The following NCKAP5 variants were observed in gnomAD, a reference collection of about 807,000 sequenced individuals.
The protein encoded by NCKAP5 is nck-associated protein 5.
A neutral mutation model predicts 167.0 loss-of-function variants in NCKAP5; 92 were observed. That is an observed-to-expected ratio of 0.55 (90% CI 0.47 to 0.66). The LOEUF (loss-of-function observed/expected upper bound fraction) is 0.66, where lower values mean the gene tolerates loss of function less well. NCKAP5 is among the 30% of genes least tolerant of loss of function. NCKAP5 has a pLI of 0.00. For missense variants in NCKAP5, 2,378 were observed against 2,315.0 expected, an observed-to-expected ratio of 1.03 and a Z score of -0.56; for synonymous variants, 891 against 877.4, an observed-to-expected ratio of 1.02 and a Z score of -0.27.
rs184826173 is a variant in NCKAP5 at position 132,923,674 on chromosome 2, T to C, written c.579+40046A>G. ...CTCAGCACGAATTGGACGCTAAGGA[T>C]TAAATGAAAATAAAAGGACAGTTTT... is the stretch of plus-strand genomic sequence containing the variant. On this transcript the variant is annotated intron_variant, in intron 8 of 19. Transcript: ENST00000409261. Among the ~76,000 whole-genome samples, 319 of 152,308 alleles carry C rather than the reference T, an allele frequency of 2.1e-3. 6 individuals carry two copies. Among genetic ancestry groups the C allele is most frequent in the Admixed American group, 0.02 (303 of 15,294 alleles).
At chr2:133,241,556 A>G (rs932532835) in intron 4 of NCKAP5, among the ~76,000 whole-genome samples, 5 of 152,208 alleles carry the variant, frequency 3.3e-5, no homozygotes, top group African/African-American at 9.7e-5. Context: ...GTTCCAACTG[A>G]ACTTCCCAGA....
In NCKAP5 at chr2:133,359,562, A is replaced by C. The variant is rs370069708; in HGVS notation, c.70-56452T>G. Among the ~76,000 whole-genome samples the C allele has an allele frequency of 1.1e-4, 16 of 152,324 alleles. No individual in the cohort carries two copies. In the East Asian group the frequency reaches 1.9e-3, roughly 18 times the overall value. ...AACTGCATATATTTGAATATCTATA[A>C]GCAAAAGTTATTCTATAAATAACAT... is the stretch of plus-strand genomic sequence containing the variant. On this transcript the variant is annotated intron_variant, in intron 3 of 19. Coordinates refer to ENST00000409261, the MANE Select transcript of NCKAP5 (RefSeq NM_207363.3).
chr2:133,506,828 T>C (rs1683053494), intron 3 of NCKAP5, among the ~76,000 whole-genome samples: 1 of 152,176 alleles, frequency 6.6e-6, no homozygotes. Flanking sequence ...CAGACTTTGA[T>C]GCAGTAAACA....
intron 8 of NCKAP5, among the ~76,000 whole-genome samples, chr2:132,902,675 C>G (rs1484058737): frequency 6.6e-6 from 1 of 152,200 alleles, no homozygotes. Flanking sequence ...AGCAACTTAA[C>G]AAAAGAATCG....
chr2:133,006,625 TA>T (rs60101515), intron 6 of NCKAP5, among the ~76,000 whole-genome samples: 748 of 57,364 alleles, frequency 0.013, 5 homozygotes, highest in African/African-American at 0.028. Flanking sequence ...TATTTTATTT[TA>T]TTTTTTTTTT....
the NCKAP5 span, among the ~76,000 whole-genome samples, chr2:133,631,287 C>T: frequency 2.6e-5 from 4 of 152,184 alleles, no homozygotes; most frequent in Non-Finnish European, 5.9e-5. Context: ...CTCACTTCTT[C>T]TCTGGGAAGA....
chr2:132,802,272 C>T (rs536901472), intron 11 of NCKAP5, among the ~76,000 whole-genome samples: 1 of 152,312 alleles, frequency 6.6e-6, no homozygotes, highest in South Asian at 2.1e-4. Context: ...TGGACCTGGC[C>T]ATGTTTAGGG....
intron 8 of NCKAP5, among the ~76,000 whole-genome samples, chr2:132,942,762 AG>A (rs1469421871): frequency 6.6e-6 from 1 of 152,224 alleles, no homozygotes; most frequent in Admixed American, 6.5e-5. Context: ...AGCAAAATTC[AG>A]GCTCAAATGT....
In NCKAP5 at chr2:133,249,916, A is replaced by G. The variant is rs1045256407; in HGVS notation, c.144-36137T>C. Among the ~76,000 whole-genome samples the G allele has an allele frequency of 1.1e-4, 17 of 149,196 alleles. 1 individual carries two copies. Among genetic ancestry groups the G allele is most frequent in the Admixed American group, 1.0e-3 (15 of 14,794 alleles). ...GAGAAAGGACTCAAGGCAGCCAGCA[A>G]TGTGCTTCTGAAGCAACGTAAAGAA... On this transcript the variant is annotated intron_variant, in intron 4 of 19. Transcript: ENST00000409261.
rs184388939 is a variant in NCKAP5, at chr2:133,311,067, C to T, written c.70-7957G>A. Among the ~76,000 whole-genome samples the T allele has an allele frequency of 3.9e-5, 6 of 152,318 alleles. No homozygotes were observed. The East Asian group carries it at 9.6e-4, about 24-fold the overall frequency. On this transcript the variant is annotated intron_variant, in intron 3 of 19. Transcript: ENST00000409261. ...CCTAAAATTTAACTCAATTCTGACA[C>T]GATCTACCTGGAGATAGCATCACAT...
the NCKAP5 span, among the ~76,000 whole-genome samples, chr2:133,582,005 C>T: frequency 9.8e-5 from 15 of 152,302 alleles, no homozygotes; most frequent in Admixed American, 3.3e-4. Flanking sequence ...TATGACACCA[C>T]GTCCTGGAGA....
chr2:132,990,713 C>G (rs1476146539), intron 7 of NCKAP5, among the ~76,000 whole-genome samples: 1 of 152,136 alleles, frequency 6.6e-6, no homozygotes, highest in African/African-American at 2.4e-5. Context: ...GCAAGGGCCA[C>G]AAGCTAAGGA....
At chr2:132,956,387 G>A (rs535469038) in intron 8 of NCKAP5, among the ~76,000 whole-genome samples, 7 of 152,206 alleles carry the variant, frequency 4.6e-5, no homozygotes, top group African/African-American at 7.2e-5. Context: ...AAATACAGAT[G>A]GTCAGTTTCC....
At chr2:133,243,042 A>G (rs889919648) in intron 4 of NCKAP5, among the ~76,000 whole-genome samples, 2 of 152,178 alleles carry the variant, frequency 1.3e-5, no homozygotes, top group Non-Finnish European at 2.9e-5. Flanking sequence ...TAACCATATT[A>G]TGCTATAAAA....
At chr2:133,655,767 G>C in the NCKAP5 span, among the ~76,000 whole-genome samples, 1 of 152,332 alleles carries the variant, frequency 6.6e-6, no homozygotes, top group African/African-American at 2.4e-5. Context: ...AATAGATGTT[G>C]GCAGCAGAAT....
intron 3 of NCKAP5, among the ~76,000 whole-genome samples, chr2:133,332,874 G>T (rs1287530212): frequency 2.6e-5 from 4 of 152,238 alleles, no homozygotes; most frequent in Non-Finnish European, 5.9e-5. Context: ...CCAATGCAGG[G>T]TTAGACACCA....
At chr2:132,949,277 G>A (rs562161216) in intron 8 of NCKAP5, among the ~76,000 whole-genome samples, 1 of 152,048 alleles carries the variant, frequency 6.6e-6, no homozygotes, top group Non-Finnish European at 1.5e-5. Flanking sequence ...ACTCTGGAGG[G>A]GCAGTCCCTT....
At chr2:133,262,141 C>T (rs776254397) in intron 4 of NCKAP5, among the ~76,000 whole-genome samples, 3 of 152,140 alleles carry the variant, frequency 2.0e-5, no homozygotes, top group Non-Finnish European at 4.4e-5. Context: ...TATAAATGCA[C>T]ATAATTTTTT....
chr2:133,552,875 C>A (rs553566410), intron 2 of NCKAP5, among the ~76,000 whole-genome samples: 123 of 152,230 alleles, frequency 8.1e-4, no homozygotes, highest in African/African-American at 2.9e-3. Context: ...AACCATCAAT[C>A]TTTAGTTTTC....
Sources: gnomAD v4.1 joint callset for allele counts (sites outside exome capture counted in the v4.1 genomes callset) on GRCh38, gnomAD v4.1.1 for gene constraint, MANE v1.5 for transcripts, NCBI Gene and HGNC (gene_info 2026-07-23, HGNC 2026-07-21) for gene names.